The following NDUFAF2 variants were observed in gnomAD, a reference collection of about 807,000 sequenced individuals.
NDUFAF2 encodes the protein NADH:ubiquinone oxidoreductase complex assembly factor 2, also known as NADH dehydrogenase [ubiquinone] 1 alpha subcomplex assembly factor 2.
In NDUFAF2, 13 loss-of-function variants were observed where a neutral mutation model predicts 22.8. That is an observed-to-expected ratio of 0.57 (90% CI 0.37 to 0.91). NDUFAF2 has a LOEUF of 0.91. Ranked by LOEUF, NDUFAF2 falls within the 40% of genes least tolerant of loss-of-function variation. The pLI, the probability that NDUFAF2 is intolerant of heterozygous loss-of-function variation, is 0.01. For missense variants in NDUFAF2, 162 were observed against 195.2 expected, an observed-to-expected ratio of 0.83 and a Z score of 1.01; for synonymous variants, 53 against 64.2, an observed-to-expected ratio of 0.83 and a Z score of 0.84.
chr5:61,116,656 A>C (rs754268582), intron 3 of NDUFAF2: 3 of 152,226 alleles, frequency 2.0e-5, no homozygotes, highest in Non-Finnish European at 2.9e-5. Context: ...TTTAAGCTTG[A>C]ATGTAGGCTA....
At chr5:60,959,296 A>G (rs964728131) in intron 1 of NDUFAF2, among the ~76,000 whole-genome samples, 3 of 152,034 alleles carry the variant, frequency 2.0e-5, no homozygotes, top group Non-Finnish European at 4.4e-5. Context: ...AACATTTTAG[A>G]TTCACTGTTA....
chr5:61,023,743 C>T (rs1385818529), intron 1 of NDUFAF2, among the ~76,000 whole-genome samples: 1 of 152,202 alleles, frequency 6.6e-6, no homozygotes, highest in East Asian at 1.9e-4. Flanking sequence ...TAATGACTGG[C>T]TTCTTTCCTC....
At chr5:61,066,199 A>G (rs1034103381) in intron 1 of NDUFAF2, among the ~76,000 whole-genome samples, 6 of 152,006 alleles carry the variant, frequency 3.9e-5, no homozygotes, top group African/African-American at 1.4e-4. Flanking sequence ...TGATGAGAGA[A>G]ATTAAAGAAC....
chr5:61,062,996 A>T (rs2111717086), intron 1 of NDUFAF2, among the ~76,000 whole-genome samples: 1 of 152,264 alleles, frequency 6.6e-6, no homozygotes, highest in Non-Finnish European at 1.5e-5. Flanking sequence ...TCTTTCACAG[A>T]GAAGCAAAAG....
chr5:60,986,439 A>T (rs140539320), intron 1 of NDUFAF2, among the ~76,000 whole-genome samples: 1 of 152,184 alleles, frequency 6.6e-6, no homozygotes, highest in Non-Finnish European at 1.5e-5. Context: ...AAGATACAAC[A>T]TACTAGAATC....
At chr5:61,068,518 G>T (rs1752257171) in intron 1 of NDUFAF2, among the ~76,000 whole-genome samples, 1 of 152,118 alleles carries the variant, frequency 6.6e-6, no homozygotes, top group Non-Finnish European at 1.5e-5. Flanking sequence ...ACATGTATAT[G>T]TGTTTGTGTA....
chr5:60,947,930 A>G (rs1282629631), intron 1 of NDUFAF2, among the ~76,000 whole-genome samples: 1 of 152,106 alleles, frequency 6.6e-6, no homozygotes, highest in Non-Finnish European at 1.5e-5. Context: ...TATTCTCACT[A>G]ATTTGTATAT....
intron 3 of NDUFAF2, 105 bp from the exon 4 acceptor site, chr5:61,152,597 GTA>G (rs569812838): frequency 1.1e-4 from 79 of 743,178 alleles, no homozygotes; most frequent in Non-Finnish European, 1.5e-4. Flanking sequence ...AAGTATGTAT[GTA>G]TATATTTATA....
chr5:61,027,014 T>G (rs1751658168), intron 1 of NDUFAF2, among the ~76,000 whole-genome samples: 1 of 151,700 alleles, frequency 6.6e-6, no homozygotes, highest in Non-Finnish European at 1.5e-5. Context: ...AATTAGAATT[T>G]TCACAACTAT....
intron 1 of NDUFAF2, among the ~76,000 whole-genome samples, chr5:61,019,200 G>T (rs1037127827): frequency 9.9e-5 from 15 of 152,076 alleles, no homozygotes; most frequent in African/African-American, 3.6e-4. Flanking sequence ...CAAGAAAATT[G>T]AAGGATTGTA....
chr5:61,019,575 A>T (rs1236544668), intron 1 of NDUFAF2, among the ~76,000 whole-genome samples: 3 of 152,106 alleles, frequency 2.0e-5, no homozygotes, highest in Non-Finnish European at 2.9e-5. Context: ...TCTTAGAAAG[A>T]CTATTTTTTT....
intron 3 of NDUFAF2, chr5:61,116,350 T>C (rs1319478871): frequency 3.3e-5 from 5 of 152,220 alleles, no homozygotes; most frequent in African/African-American, 1.2e-4. Context: ...ATAACTGCTA[T>C]CCTCAGCGAT....
intron 3 of NDUFAF2, among the ~76,000 whole-genome samples, chr5:61,111,990 TTC>T (rs1377484108): frequency 2.0e-5 from 3 of 151,844 alleles, no homozygotes; most frequent in Admixed American, 6.6e-5. Flanking sequence ...AACTCTTGAG[TTC>T]AAGATGTGCC....
chr5:61,074,674 C>A (rs1195041700), intron 2 of NDUFAF2, among the ~76,000 whole-genome samples: 1 of 152,132 alleles, frequency 6.6e-6, no homozygotes, highest in Non-Finnish European at 1.5e-5. Context: ...GCAGGAGAAT[C>A]GCTTGAACCC....
intron 2 of NDUFAF2, among the ~76,000 whole-genome samples, chr5:61,079,543 A>T (rs192451533): frequency 6.6e-6 from 1 of 152,350 alleles, no homozygotes; most frequent in African/African-American, 2.4e-5. Context: ...TCACATTGCG[A>T]CGCAGAATCT....
intron 1 of NDUFAF2, among the ~76,000 whole-genome samples, chr5:61,020,915 C>T (rs1298794726): frequency 1.3e-5 from 2 of 151,052 alleles, no homozygotes; most frequent in Non-Finnish European, 2.9e-5. Context: ...AGGCTGGTCT[C>T]GAACTCCTGA....
chr5:61,088,989 T>C (rs1472449511), intron 2 of NDUFAF2, among the ~76,000 whole-genome samples: 2 of 152,140 alleles, frequency 1.3e-5, no homozygotes, highest in Non-Finnish European at 1.5e-5. Context: ...TTTCATTTAC[T>C]TTAGCCTCTA....
chr5:61,094,810 A>G (rs966190877), intron 2 of NDUFAF2, among the ~76,000 whole-genome samples: 3 of 152,228 alleles, frequency 2.0e-5, no homozygotes, highest in South Asian at 2.1e-4. Context: ...GCTGCGAAAC[A>G]GCAAAGCTGG....
intron 1 of NDUFAF2, among the ~76,000 whole-genome samples, chr5:61,009,407 C>T (rs888417758): frequency 2.6e-5 from 4 of 152,090 alleles, no homozygotes; most frequent in Admixed American, 2.6e-4. Flanking sequence ...ACCAAGGAAT[C>T]AACCCCCTCC....
Sources: allele counts gnomAD v4.1 joint callset (sites outside exome capture counted in the v4.1 genomes callset), GRCh38; gene constraint gnomAD v4.1.1; transcripts MANE v1.5; gene names NCBI Gene and HGNC (gene_info 2026-07-23, HGNC 2026-07-21).